SSNA1: variants seen among roughly 807,000 people sequenced by gnomAD.
The protein encoded by SSNA1 is SS nuclear autoantigen 1, also known as microtubule nucleation factor SSNA1.
A neutral mutation model predicts 13.3 loss-of-function variants in SSNA1; 13 were observed. That is an observed-to-expected ratio of 0.97 (90% CI 0.63 to 1.55). The LOEUF (loss-of-function observed/expected upper bound fraction) is 1.55, where lower values mean the gene tolerates loss of function less well. SSNA1 is among the 40% of genes most tolerant of loss of function. SSNA1 has a pLI of 0.00. For synonymous variants in SSNA1, 89 were observed against 65.9 expected, an observed-to-expected ratio of 1.35 and a Z score of -1.70; for missense variants, 186 against 152.7, an observed-to-expected ratio of 1.22 and a Z score of -1.15.
rs566918824 is a variant in SSNA1 at position 137,189,887 on chromosome 9, G to C, written c.333G>C (p.Gln111His). 1 of 1,613,700 alleles carries C rather than the reference G, an allele frequency of 6.2e-7. No individual in the cohort carries two copies. Among genetic ancestry groups the C allele is most frequent in the Non-Finnish European group, 8.5e-7 (1 of 1,179,976 alleles). Residue 111 changes from glutamine (Q) to histidine (H), a missense_variant, in exon 3 of 3, where the codon CAG becomes CAC. Gln to His is a conservative substitution (Grantham distance 24). Transcript: ENST00000322310. ...TGACCAAGGCTACAGCCCCAGACCA[G>C]AAAAGTAGCGGCGGCAGGGACAGCT... is the stretch of plus-strand genomic sequence containing the variant. ...GNLTKATAPD[Q>H]KSSGGRDS
intron 1 of SSNA1, 98 bp downstream of exon 1, chr9:137,188,876 C>G (rs1003905986): frequency 7.2e-7 from 1 of 1,388,064 alleles, no homozygotes; most frequent in Non-Finnish European, 9.4e-7. Flanking sequence ...CTGCGGGCAT[C>G]GCGCGGCTGA....
intron 2 of SSNA1, among the ~76,000 whole-genome samples, chr9:137,189,483 G>C (rs1445682521): frequency 6.6e-6 from 1 of 152,236 alleles, no homozygotes; most frequent in Non-Finnish European, 1.5e-5. Context: ...CCTGGGTCCT[G>C]GTCTTTATCC....
At chr9:137,188,873 C>A in intron 1 of SSNA1, 95 bp downstream of exon 1, 1 of 1,391,374 alleles carries the variant, frequency 7.2e-7, no homozygotes, top group Non-Finnish European at 9.4e-7. Flanking sequence ...TCGCTGCGGG[C>A]ATCGCGCGGC....
Position 137,188,696 on chromosome 9 carries a change from T to G in SSNA1, c.-31T>G. ...CGGACAGCGCTGCTTCCGCGGCGGT[T>G]GGGGTGGTGGGGCCCCGGGCGGCGT... On this transcript the variant is annotated 5_prime_UTR_variant, in exon 1 of 3. Coordinates refer to ENST00000322310, the MANE Select transcript of SSNA1 (RefSeq NM_003731.3). The G allele has an allele frequency of 6.3e-7, 1 of 1,575,200 alleles. No homozygotes were observed. The highest frequency in any genetic ancestry group is 2.4e-5 in the East Asian group (1 of 42,116).
Position 137,189,238 on chromosome 9 carries a change from C to T in SSNA1, c.225C>T (p.Ile75=). The T allele has an allele frequency of 6.2e-7, 1 of 1,613,122 alleles. No individual in the cohort carries two copies. Among genetic ancestry groups the T allele is most frequent in the Non-Finnish European group, 8.5e-7 (1 of 1,179,982 alleles). The change falls in exon 2 of 3, where the codon ATC becomes ATT. Residue 75 remains isoleucine (I), a synonymous_variant. Transcript: ENST00000322310. ...IASRNEFDRT[I]AETEAAYLKI... ...CTCGCAACGAGTTCGACCGGACCAT[C>T]GCGGAGACGGAGGCCGCCTACCTCA...
Position 137,189,264 on chromosome 9 carries a change from A to T in SSNA1, c.251A>T (p.Lys84Met). 6.2e-7 allele frequency: 1 copy of T among 1,612,994 alleles called. No individual in the cohort carries two copies. The highest frequency in any genetic ancestry group is 8.5e-7 in the Non-Finnish European group (1 of 1,179,922). The change falls in exon 2 of 3, where the codon AAG becomes ATG. Residue 84 changes from lysine to methionine, a missense_variant and splice_region_variant. By Grantham distance (95) the Lys-to-Met change is moderately conservative. Coordinates refer to ENST00000322310, the MANE Select transcript of SSNA1 (RefSeq NM_003731.3). Reference protein sequence around the residue: ...TIAETEAAYLKILESSQTLLS... With the variant: ...TIAETEAAYLMILESSQTLLS... The stretch of plus-strand genomic sequence containing the variant: ...GCGGAGACGGAGGCCGCCTACCTCA[A>T]GGTGGAGCTCGGGAGGCCAGGCCGA...
At chr9:137,189,296 G>A (rs989978039) in intron 2 of SSNA1, 31 bp downstream of exon 2, 3 of 1,611,270 alleles carry the variant, frequency 1.9e-6, no homozygotes, top group Admixed American at 3.3e-5. Flanking sequence ...CCGAGCATCA[G>A]GGGATAGGCA....
chr9:137,189,784 C>T (rs759750911), intron 2 of SSNA1, 23 bp from the exon 3 acceptor site: 23 of 1,607,700 alleles, frequency 1.4e-5, no homozygotes, highest in South Asian at 4.4e-5. Context: ...ACATTAACAA[C>T]CTTCTCACTT....
chr9:137,189,179 C>G lies in SSNA1; in HGVS notation c.166C>G (p.Arg56Gly). ...EVRQLTEKLA[R>G]VNENLARKIA... Reference sequence around the variant, plus strand: ...GAGGCAGCTGACAGAGAAGCTGGCCCGCGTCAACGAGAACCTGGCACGCAA... The same window carrying G: ...GAGGCAGCTGACAGAGAAGCTGGCCGGCGTCAACGAGAACCTGGCACGCAA... Residue 56 changes from arginine (R) to glycine (G), a missense_variant, in exon 2 of 3, where the codon CGC becomes GGC. By Grantham distance (125) the Arg-to-Gly change is moderately radical. Coordinates refer to ENST00000322310, the MANE Select transcript of SSNA1 (RefSeq NM_003731.3). 1 of 1,613,084 alleles carries G rather than the reference C, an allele frequency of 6.2e-7. No individual in the cohort carries two copies. Among genetic ancestry groups the G allele is most frequent in the Non-Finnish European group, 8.5e-7 (1 of 1,179,964 alleles).
Position 137,189,137 on chromosome 9 carries a change from C to T in SSNA1, c.124C>T (p.Arg42Trp), listed in dbSNP as rs1182326769. 4.3e-6 allele frequency: 7 copies of T among 1,610,346 alleles called. No individual in the cohort carries two copies. The highest frequency in any genetic ancestry group is 5.9e-6 in the Non-Finnish European group (7 of 1,178,758). Residue 42 changes from arginine (R) to tryptophan (W), a missense_variant, in exon 2 of 3, where the codon CGG (arginine) becomes TGG (tryptophan). By Grantham distance (101) the Arg-to-Trp change is moderately radical (BLOSUM62 -3). Coordinates refer to ENST00000322310, the MANE Select transcript of SSNA1 (RefSeq NM_003731.3). ...CCAGGAGGAGGAGGACGAGAAGCAGCGGCTGCAGAATGAGGTGAGGCAGCT... is the reference window on the plus strand; with the variant it reads ...CCAGGAGGAGGAGGACGAGAAGCAGTGGCTGCAGAATGAGGTGAGGCAGCT... The part of the protein sequence containing the change: ...QIQEEEDEKQ[R>W]LQNEVRQLTE...
Position 137,188,708 on chromosome 9 carries a change from G to T in SSNA1, c.-19G>T, listed in dbSNP as rs762551561. The T allele has an allele frequency of 1.0e-5, 16 of 1,579,062 alleles. No individual in the cohort carries two copies. The highest frequency in any genetic ancestry group is 4.7e-5 in the East Asian group (2 of 42,552). On this transcript the variant is annotated 5_prime_UTR_variant, in exon 1 of 3. Coordinates refer to ENST00000322310, the MANE Select transcript of SSNA1 (RefSeq NM_003731.3). ...CTTCCGCGGCGGTTGGGGTGGTGGG[G>T]CCCCGGGCGGCGTTGACCATGACCC...
Position 137,189,074 on chromosome 9 carries a change from G to T in SSNA1, c.61G>T (p.Glu21Ter), listed in dbSNP as rs1373894507. The change falls in exon 2 of 3, where the codon GAG becomes TAG. Residue 21 changes from glutamate to a stop codon, truncating the protein, a stop_gained. Transcript: ENST00000322310. LOFTEE classifies it high-confidence loss of function. ...YNNELVKCIEELCQKREELCR... is the reference protein window; with the variant it reads ...YNNELVKCIE ...CCCCTCCCGGCCCCCAGGCATAGAGGAGCTGTGCCAGAAGCGGGAGGAGCT... is the reference window on the plus strand; with the variant it reads ...CCCCTCCCGGCCCCCAGGCATAGAGTAGCTGTGCCAGAAGCGGGAGGAGCT... 1 of 1,569,664 alleles carries T rather than the reference G, an allele frequency of 6.4e-7. No individual in the cohort carries two copies. Among genetic ancestry groups the T allele is most frequent in the Non-Finnish European group, 8.6e-7 (1 of 1,156,678 alleles).
In SSNA1 at chr9:137,189,987, T is replaced by TAGGA; in HGVS notation, c.*73_*74insAGGA. On this transcript the variant is annotated 3_prime_UTR_variant, in exon 3 of 3. Coordinates refer to ENST00000322310, the MANE Select transcript of SSNA1 (RefSeq NM_003731.3). ...CAGCAAGTGTGTGCTCAGAGCATCT[T>TAGGA]TGTTCTTCACGGCAGCAGCTACCTT... is the stretch of plus-strand genomic sequence containing the variant. The TAGGA allele has an allele frequency of 7.3e-7, 1 of 1,366,500 alleles. No homozygotes were observed. Among genetic ancestry groups the TAGGA allele is most frequent in the Admixed American group, 1.8e-5 (1 of 55,092 alleles). The allele number at this position is 1,366,500 out of a possible 1,614,324, so 84.6% of individuals were successfully genotyped here. A position where few individuals can be genotyped will look rare whatever the true frequency, so the allele number is the denominator to read the frequency against.
At position 137,189,142 on chromosome 9, in the gene SSNA1, G is replaced by C; in HGVS notation, c.129G>C (p.Leu43=). The change falls in exon 2 of 3, where the codon CTG becomes CTC. Residue 43 remains leucine (L), a synonymous_variant. Transcript: ENST00000322310. ...IQEEEDEKQR[L]QNEVRQLTEK... ...AGGAGGAGGACGAGAAGCAGCGGCT[G>C]CAGAATGAGGTGAGGCAGCTGACAG... 1 of 1,611,376 alleles carries C rather than the reference G, an allele frequency of 6.2e-7. No homozygotes were observed. Among genetic ancestry groups the C allele is most frequent in the Non-Finnish European group, 8.5e-7 (1 of 1,179,290 alleles).
Position 137,189,884 on chromosome 9 carries a change from C to T in SSNA1, c.330C>T (p.Asp110=). 2 of 1,613,934 alleles carry T rather than the reference C, an allele frequency of 1.2e-6. No individual in the cohort carries two copies. The highest frequency in any genetic ancestry group is 1.1e-5 in the South Asian group (1 of 91,092). Residue 110 remains aspartate (D), a synonymous_variant, in exon 3 of 3, where the codon GAC becomes GAT. Coordinates refer to ENST00000322310, the MANE Select transcript of SSNA1 (RefSeq NM_003731.3). ...ACCTGACCAAGGCTACAGCCCCAGACCAGAAAAGTAGCGGCGGCAGGGACA... is the reference window on the plus strand; with the variant it reads ...ACCTGACCAAGGCTACAGCCCCAGATCAGAAAAGTAGCGGCGGCAGGGACA... ...AGNLTKATAP[D]QKSSGGRDS
In SSNA1 at chr9:137,190,097, G is replaced by T. The variant is rs371009504; in HGVS notation, c.*183G>T. 2 of 593,032 alleles carry T rather than the reference G, an allele frequency of 3.4e-6. No individual in the cohort carries two copies. The highest frequency in any genetic ancestry group is 6.0e-6 in the Non-Finnish European group (2 of 334,248). The allele number at this position is 593,032 out of a possible 1,614,324, so 36.7% of individuals were successfully genotyped here. ...AGCCCAGGGCACAGCCCACCCGGGG[G>T]TCCTCGCTTCATGCTCACACAGGCT... On this transcript the variant is annotated 3_prime_UTR_variant, in exon 3 of 3. Transcript: ENST00000322310.
rs749919680 is a variant in SSNA1 at position 137,189,915 on chromosome 9, C to G, written c.*1C>G. On this transcript the variant is annotated 3_prime_UTR_variant, in exon 3 of 3. Coordinates refer to ENST00000322310, the MANE Select transcript of SSNA1 (RefSeq NM_003731.3). ...AAGTAGCGGCGGCAGGGACAGCTGA[C>G]CAGACCACGGGCAGGGCCTGCCTCC... 2 of 1,612,972 alleles carry G rather than the reference C, an allele frequency of 1.2e-6. No homozygotes were observed. Among genetic ancestry groups the G allele is most frequent in the Non-Finnish European group, 8.5e-7 (1 of 1,179,696 alleles).
intron 1 of SSNA1, 99 bp downstream of exon 1, chr9:137,188,877 G>T: frequency 4.3e-6 from 6 of 1,382,282 alleles, no homozygotes; most frequent in Non-Finnish European, 5.7e-6. Flanking sequence ...TGCGGGCATC[G>T]CGCGGCTGAG....
In SSNA1 at chr9:137,189,233, A is replaced by G; in HGVS notation, c.220A>G (p.Thr74Ala). The G allele has an allele frequency of 1.2e-6, 2 of 1,613,112 alleles. No homozygotes were observed. The highest frequency in any genetic ancestry group is 1.7e-6 in the Non-Finnish European group (2 of 1,179,978). ...TGCCTCTCGCAACGAGTTCGACCGG[A>G]CCATCGCGGAGACGGAGGCCGCCTA... ...KIASRNEFDR[T>A]IAETEAAYLK... The change falls in exon 2 of 3, where the codon ACC (threonine) becomes GCC (alanine). Residue 74 changes from threonine (T) to alanine (A), a missense_variant. Coordinates refer to ENST00000322310, the MANE Select transcript of SSNA1 (RefSeq NM_003731.3).
Sources: gnomAD v4.1 joint callset for allele counts (sites outside exome capture counted in the v4.1 genomes callset) on GRCh38, gnomAD v4.1.1 for gene constraint, MANE v1.5 for transcripts, NCBI Gene and HGNC (gene_info 2026-07-23, HGNC 2026-07-21) for gene names.